LRFN5: variants seen among roughly 807,000 people sequenced by gnomAD.
LRFN5 encodes leucine-rich repeat and fibronectin type-III domain-containing protein 5.
LRFN5 carries 24 observed loss-of-function variants against 45.6 expected under a neutral mutation model. The ratio of observed to expected loss-of-function variants is 0.53; its 90% confidence interval spans 0.38 to 0.74. The LOEUF (loss-of-function observed/expected upper bound fraction) is 0.74. Ranked by LOEUF, LRFN5 falls within the 30% of genes least tolerant of loss-of-function variation. The probability of loss-of-function intolerance (pLI) is 0.00; values close to 1 mark genes in which losing one functional copy is unlikely to be tolerated. For missense variants in LRFN5, 776 were observed against 861.5 expected (o/e 0.90, Z 1.24); for synonymous variants, 340 against 313.8 (o/e 1.08, Z -0.88).
chr14:41,863,155 A>G (rs1034613402), intron 2 of LRFN5, among the ~76,000 whole-genome samples: 2 of 152,096 alleles, frequency 1.3e-5, no homozygotes, highest in East Asian at 3.9e-4. Context: ...GTGAGCCACC[A>G]CGCCCAGCCT....
At chr14:41,820,711 C>T (rs907380627) in intron 2 of LRFN5, among the ~76,000 whole-genome samples, 8 of 151,834 alleles carry the variant, frequency 5.3e-5, no homozygotes, top group Non-Finnish European at 1.2e-4. Flanking sequence ...CTTTGGTTAG[C>T]ATATTCATCT....
At chr14:41,810,887 G>C (rs1887712958) in intron 2 of LRFN5, among the ~76,000 whole-genome samples, 1 of 151,816 alleles carries the variant, frequency 6.6e-6, no homozygotes, top group Admixed American at 6.6e-5. Flanking sequence ...CAAGCACAAG[G>C]AAAAGCAGAA....
intron 4 of LRFN5, among the ~76,000 whole-genome samples, chr14:41,898,478 A>T (rs183408570): frequency 1.3e-5 from 2 of 152,024 alleles, no homozygotes; most frequent in African/African-American, 4.8e-5. Flanking sequence ...TGTACTCCAT[A>T]TGGTGAACAT....
At chr14:41,689,443 A>AT (rs200105534) in intron 1 of LRFN5, among the ~76,000 whole-genome samples, 1 of 152,142 alleles carries the variant, frequency 6.6e-6, no homozygotes, top group African/African-American at 2.4e-5. Flanking sequence ...TCTTACAGAA[A>AT]TTTTTTTAAA....
At chr14:41,716,115 A>T (rs183542280) in intron 1 of LRFN5, among the ~76,000 whole-genome samples, 2 of 152,276 alleles carry the variant, frequency 1.3e-5, no homozygotes, top group East Asian at 3.9e-4. Context: ...CAGGACACCA[A>T]GTCTCTAGGC....
intron 1 of LRFN5, among the ~76,000 whole-genome samples, chr14:41,688,988 A>G (rs1882246590): frequency 6.6e-6 from 1 of 151,512 alleles, no homozygotes; most frequent in African/African-American, 2.4e-5. Context: ...CCAGCTACTT[A>G]GGAGGCTGAG....
chr14:41,733,236 C>T (rs1237131799), intron 1 of LRFN5, among the ~76,000 whole-genome samples: 4 of 151,886 alleles, frequency 2.6e-5, no homozygotes, highest in Non-Finnish European at 4.4e-5. Context: ...CAGAGAACTC[C>T]ACGTGGGATG....
chr14:41,873,635 CA>C (rs1890097297), intron 2 of LRFN5, among the ~76,000 whole-genome samples: 1 of 152,078 alleles, frequency 6.6e-6, no homozygotes, highest in African/African-American at 2.4e-5. Flanking sequence ...TTCATGTTCA[CA>C]GAGACTCAGC....
intron 1 of LRFN5, chr14:41,700,277 A>T (rs1463147291): frequency 6.6e-6 from 1 of 152,096 alleles, no homozygotes. Context: ...AGAAAGGAAC[A>T]AATGAGTTGA....
intron 2 of LRFN5, among the ~76,000 whole-genome samples, chr14:41,810,282 C>T (rs1301125514): frequency 3.9e-5 from 6 of 152,030 alleles, no homozygotes; most frequent in African/African-American, 1.4e-4. Context: ...ATTACTGCCT[C>T]ATTGAGATCC....
At chr14:41,787,290 A>G (rs1886756832) in intron 2 of LRFN5, among the ~76,000 whole-genome samples, 1 of 152,180 alleles carries the variant, frequency 6.6e-6, no homozygotes, top group Non-Finnish European at 1.5e-5. Context: ...CCTCTCTGAT[A>G]TCTACATCTC....
chr14:41,880,947 TG>T (rs1418519341), intron 2 of LRFN5, among the ~76,000 whole-genome samples: 1 of 152,228 alleles, frequency 6.6e-6, no homozygotes. Context: ...TTATGTTCAG[TG>T]TTTTAATGAC....
At chr14:41,657,575 C>T (rs1409016326) in intron 1 of LRFN5, among the ~76,000 whole-genome samples, 2 of 151,796 alleles carry the variant, frequency 1.3e-5, no homozygotes, top group African/African-American at 4.8e-5. Flanking sequence ...AAGAAAAATG[C>T]CTTTTAAAAC....
At chr14:41,671,114 CTAATA>C (rs1881187870) in intron 1 of LRFN5, among the ~76,000 whole-genome samples, 1 of 151,736 alleles carries the variant, frequency 6.6e-6, no homozygotes, top group Admixed American at 6.6e-5. Context: ...AATTTATTTT[CTAATA>C]TGAGATTTCT....
chr14:41,692,717 CTA>C (rs1477852352), intron 1 of LRFN5, among the ~76,000 whole-genome samples: 1 of 152,072 alleles, frequency 6.6e-6, no homozygotes, highest in Non-Finnish European at 1.5e-5. Context: ...TTTGAAAAGC[CTA>C]TGTTTTTAAC....
At chr14:41,899,519 G>C (rs961423408) in intron 5 of LRFN5, among the ~76,000 whole-genome samples, 12 of 152,076 alleles carry the variant, frequency 7.9e-5, no homozygotes, top group African/African-American at 2.9e-4. Context: ...TTTTTTAGGG[G>C]GGATGTTTGA....
intron 4 of LRFN5, among the ~76,000 whole-genome samples, chr14:41,896,440 T>C (rs1202934296): frequency 6.6e-6 from 1 of 152,126 alleles, no homozygotes; most frequent in Non-Finnish European, 1.5e-5. Flanking sequence ...GTGTGAAGTG[T>C]TTTGAGGAAA....
chr14:41,844,493 C>T (rs1038591351), intron 2 of LRFN5, among the ~76,000 whole-genome samples: 2 of 151,914 alleles, frequency 1.3e-5, no homozygotes, highest in Non-Finnish European at 2.9e-5. Flanking sequence ...TTTGGAGTTG[C>T]GGTAAGATGG....
rs533473750 is a variant in LRFN5, at chr14:41,714,859, G to A, written c.-196-51995G>A. Among the ~76,000 whole-genome samples, 14 of 152,184 alleles carry A rather than the reference G, an allele frequency of 9.2e-5. No individual in the cohort carries two copies. In the South Asian group the frequency reaches 2.9e-3, roughly 32 times the overall value. ...GGTTCAGGCTGCGGGGAGCTGTAAT[G>A]ATGCCACTGCACTCCAACTTGGGTG... On this transcript the variant is annotated intron_variant, in intron 1 of 5. Transcript: ENST00000298119.
Sources: allele counts gnomAD v4.1 joint callset (sites outside exome capture counted in the v4.1 genomes callset), GRCh38; gene constraint gnomAD v4.1.1; transcripts MANE v1.5; gene names NCBI Gene and HGNC (gene_info 2026-07-23, HGNC 2026-07-21).